The following ZNF260 variants were observed in gnomAD, a reference collection of about 807,000 sequenced individuals.
ZNF260 encodes zfp-260.
Under a neutral mutation model 29.3 loss-of-function variants are expected in ZNF260, and 21 were observed. The ratio of observed to expected loss-of-function variants is 0.72; its 90% CI spans 0.51 to 1.03. The LOEUF (loss-of-function observed/expected upper bound fraction) is 1.03, where lower values mean the gene tolerates loss of function less well. Among genes scored for constraint, ZNF260 ranks in the 50% least tolerant of loss-of-function variants. The pLI is 0.00. For synonymous variants in ZNF260, 156 were observed against 156.8 expected (o/e 0.99, Z 0.04); for missense variants, 465 against 487.8 (o/e 0.95, Z 0.44).
chr19:36,511,076 TCAA>T lies in ZNF260; in HGVS notation c.*2921_*2923del, dbSNP rs1034350514. The stretch of plus-strand genomic sequence containing the variant: ...TATTTGGGTATATTACCTCAGAAAA[TCAA>T]CAACTGTCATTTTCAATCTTATCTC... On this transcript the variant is annotated 3_prime_UTR_variant, in exon 3 of 3. Coordinates refer to ENST00000523638, the MANE Select transcript of ZNF260 (RefSeq NM_001166037.2). 4 of 152,116 alleles carry T rather than the reference TCAA, an allele frequency of 2.6e-5. No individual in the cohort carries two copies. The allele number at this position is 152,116 out of a possible 1,614,324, so 9.4% of individuals were successfully genotyped here.
In ZNF260 at chr19:36,514,238, C is replaced by T. The variant is rs1237156252; in HGVS notation, c.1001G>A (p.Cys334Tyr). 6.2e-7 allele frequency: 1 copy of T among 1,614,016 alleles called. No homozygotes were observed. The highest frequency in any genetic ancestry group is 2.2e-5 in the East Asian group (1 of 44,888). The change falls in exon 3 of 3, where the codon TGT becomes TAT. Residue 334 changes from cysteine to tyrosine, a missense_variant. Physicochemically the swap from Cys to Tyr is radical, Grantham distance 194 (BLOSUM62 -2). Coordinates refer to ENST00000523638, the MANE Select transcript of ZNF260 (RefSeq NM_001166037.2). Reference protein sequence around the residue: ...RIHTGDKPYECKVCGKAFCQS... With the variant: ...RIHTGDKPYEYKVCGKAFCQS... The stretch of plus-strand genomic sequence containing the variant: ...ACAGAAGGCTTTCCCACAGACCTTA[C>T]ACTCATAAGGCTTATCACCTGTATG...
chr19:36,513,335 T>C lies in ZNF260; in HGVS notation c.*665A>G. 6.5e-6 allele frequency: 1 copy of C among 154,576 alleles called. No individual in the cohort carries two copies. The highest frequency in any genetic ancestry group is 1.4e-5 in the Non-Finnish European group (1 of 69,634). 9.6% of individuals were successfully genotyped at this position (154,576 alleles called of 1,614,324 possible). ...CTAAGGTTTTAAAAACATCTTCTTA[T>C]AAAACTGTTATATTATTAAGTATTG... On this transcript the variant is annotated 3_prime_UTR_variant, in exon 3 of 3. Coordinates refer to ENST00000523638, the MANE Select transcript of ZNF260 (RefSeq NM_001166037.2).
chr19:36,521,764 A>G (rs1568554149), intron 2 of ZNF260, among the ~76,000 whole-genome samples: 1 of 144,688 alleles, frequency 6.9e-6, no homozygotes, highest in Non-Finnish European at 1.5e-5. Context: ...AAAAAATAAA[A>G]TAAGGCCGGG....
At position 36,526,325 on chromosome 19, in the gene ZNF260, G is replaced by A. The variant is rs144042172; in HGVS notation, c.-680-952C>T. Among the ~76,000 whole-genome samples the A allele has an allele frequency of 3.4e-3, 514 of 152,236 alleles. 13 individuals carry two copies. In the East Asian group the frequency reaches 0.057, roughly 17 times the overall value. On this transcript the variant is annotated intron_variant, in intron 1 of 2. Coordinates refer to ENST00000523638, the MANE Select transcript of ZNF260 (RefSeq NM_001166037.2). ...GGAGGCTGAGGCAGGCTGACCACCT[G>A]AGGTCAGGAGTTCGAGACCAGGCTG...
Position 36,514,150 on chromosome 19 carries a change from A to G in ZNF260, c.1089T>C (p.Asn363=), listed in dbSNP as rs745799752. The change falls in exon 3 of 3, where the codon AAT becomes AAC. Residue 363 remains asparagine, a synonymous_variant. Coordinates refer to ENST00000523638, the MANE Select transcript of ZNF260 (RefSeq NM_001166037.2). ...ACTGAGAAAAGGCTTTCCCACATTC[A>G]TTACAACCATAGGGTTTCTCACCTG... ...SHTGEKPYGC[N]ECGKAFSQFS... is the part of the protein sequence containing the mutation. The G allele has an allele frequency of 4.3e-6, 7 of 1,613,614 alleles. No individual in the cohort carries two copies. In the Admixed American group the frequency reaches 1.2e-4, roughly 27 times the overall value.
intron 2 of ZNF260, chr19:36,518,225 T>C (rs1237851995): frequency 1.3e-5 from 2 of 152,144 alleles, no homozygotes; most frequent in African/African-American, 2.4e-5. Context: ...ATATTACTGA[T>C]TGATGCACAG....
rs2034438314 is a variant in ZNF260 at position 36,510,758 on chromosome 19, A to C, written c.*3242T>G. On this transcript the variant is annotated 3_prime_UTR_variant, in exon 3 of 3. Transcript: ENST00000523638. ...CAAATAAGCAAACTGTGAGTAAACGAGGGCAGCTGAATAAATTTACAGTAT... is the reference window on the plus strand; with the variant it reads ...CAAATAAGCAAACTGTGAGTAAACGCGGGCAGCTGAATAAATTTACAGTAT... The C allele has an allele frequency of 6.6e-6, 1 of 152,206 alleles. No individual in the cohort carries two copies. Among genetic ancestry groups the C allele is most frequent in the African/African-American group, 2.4e-5 (1 of 41,450 alleles). 9.4% of individuals were successfully genotyped at this position (152,206 alleles called of 1,614,324 possible). A position where few individuals can be genotyped will look rare whatever the true frequency, so the allele number is the denominator to read the frequency against.
chr19:36,515,202 C>G lies in ZNF260; in HGVS notation c.37G>C (p.Asp13His), dbSNP rs757612101. The change falls in exon 3 of 3, where the codon GAT (aspartate) becomes CAT (histidine). Residue 13 changes from aspartate (D) to histidine (H), a missense_variant. By Grantham distance (81) the Asp-to-His change is moderately conservative. Coordinates refer to ENST00000523638, the MANE Select transcript of ZNF260 (RefSeq NM_001166037.2). ...GMLESLQHESDLLQHDQIHTG... is the reference protein window; with the variant it reads ...GMLESLQHESHLLQHDQIHTG... ...TGAATTTGATCATGCTGAAGGAGAT[C>G]TGATTCATGCTGAAGACTTTCCAAC... 4 of 1,595,456 alleles carry G rather than the reference C, an allele frequency of 2.5e-6. No homozygotes were observed. Among genetic ancestry groups the G allele is most frequent in the Non-Finnish European group, 3.4e-6 (4 of 1,169,372 alleles).
rs1286814941 is a variant in ZNF260, at chr19:36,512,029, C to A, written c.*1971G>T. On this transcript the variant is annotated 3_prime_UTR_variant, in exon 3 of 3. Transcript: ENST00000523638. ...ATAAATGTTTTAGTAAAAACTAATT[C>A]TCTCCATGTCTGTGCATATATTATT... 2 of 152,058 alleles carry A rather than the reference C, an allele frequency of 1.3e-5. No homozygotes were observed. Among genetic ancestry groups the A allele is most frequent in the Non-Finnish European group, 2.9e-5 (2 of 68,020 alleles). 9.4% of individuals were successfully genotyped at this position (152,058 alleles called of 1,614,324 possible).
At position 36,513,151 on chromosome 19, in the gene ZNF260, T is replaced by C. The variant is rs1037188456; in HGVS notation, c.*849A>G. ...AACTAAATTTTATCATAGGTATGTA[T>C]ATATAAGAAAAAAACATAGACATAG... On this transcript the variant is annotated 3_prime_UTR_variant, in exon 3 of 3. Transcript: ENST00000523638. 1.3e-5 allele frequency: 2 copies of C among 152,154 alleles called. No homozygotes were observed. Among genetic ancestry groups the C allele is most frequent in the African/African-American group, 2.4e-5 (1 of 41,448 alleles). 9.4% of individuals were successfully genotyped at this position (152,154 alleles called of 1,614,324 possible). A position where few individuals can be genotyped will look rare whatever the true frequency, so the allele number is the denominator to read the frequency against.
rs1203949329 is a variant in ZNF260 at position 36,511,820 on chromosome 19, T to G, written c.*2180A>C. The G allele has an allele frequency of 2.0e-5, 3 of 150,046 alleles. No individual in the cohort carries two copies. Among genetic ancestry groups the G allele is most frequent in the Non-Finnish European group, 3.0e-5 (2 of 66,764 alleles). 9.3% of individuals were successfully genotyped at this position (150,046 alleles called of 1,614,324 possible). ...AGGTAACAAGGGGGTTGGGATTGACTTGGGTGTGTCTGACATAATTGAGAA... is the reference window on the plus strand; with the variant it reads ...AGGTAACAAGGGGGTTGGGATTGACGTGGGTGTGTCTGACATAATTGAGAA... On this transcript the variant is annotated 3_prime_UTR_variant, in exon 3 of 3. Transcript: ENST00000523638.
rs749233923 is a variant in ZNF260, at chr19:36,514,295, C to T, written c.944G>A (p.Arg315Gln). 3.4e-5 allele frequency: 55 copies of T among 1,613,796 alleles called. No homozygotes were observed. Among genetic ancestry groups the T allele is most frequent in the Non-Finnish European group, 4.5e-5 (53 of 1,179,982 alleles). Residue 315 changes from arginine (R) to glutamine (Q), a missense_variant, in exon 3 of 3, where the codon CGA becomes CAA. Coordinates refer to ENST00000523638, the MANE Select transcript of ZNF260 (RefSeq NM_001166037.2). Reference protein sequence around the residue: ...ECNKCGKAFSRITSLIVHVRI... With the variant: ...ECNKCGKAFSQITSLIVHVRI... ...CACATGTACAATAAGTGATGTGATT[C>T]GAGAGAAGGCTTTTCCACATTTATT... is the stretch of plus-strand genomic sequence containing the variant.
chr19:36,511,716 C>A lies in ZNF260; in HGVS notation c.*2284G>T, dbSNP rs1302270899. On this transcript the variant is annotated 3_prime_UTR_variant, in exon 3 of 3. Transcript: ENST00000523638. Reference sequence around the variant, plus strand: ...TTATTGTGGAAAGAAATCAAGTAAACAAATTCTCAAAAAGATTTGCTTCAA... The same window carrying A: ...TTATTGTGGAAAGAAATCAAGTAAAAAAATTCTCAAAAAGATTTGCTTCAA... 6.6e-6 allele frequency: 1 copy of A among 151,314 alleles called. No homozygotes were observed. The allele number at this position is 151,314 out of a possible 1,614,324, so 9.4% of individuals were successfully genotyped here.
intron 2 of ZNF260, among the ~76,000 whole-genome samples, chr19:36,522,543 T>C (rs2034663545): frequency 6.6e-6 from 1 of 152,180 alleles, no homozygotes; most frequent in African/African-American, 2.4e-5. Context: ...CCATGTTTAT[T>C]TATTTTCTTG....
chr19:36,515,393 ATT>A lies in ZNF260; in HGVS notation c.-157_-156del. 2 of 712,708 alleles carry A rather than the reference ATT, an allele frequency of 2.8e-6. No homozygotes were observed. The highest frequency in any genetic ancestry group is 4.4e-6 in the Non-Finnish European group (2 of 450,536). The allele number at this position is 712,708 out of a possible 1,614,324, so 44.1% of individuals were successfully genotyped here. On this transcript the variant is annotated 5_prime_UTR_variant, in exon 3 of 3. An upstream start codon of the reference 5' UTR is lost. Transcript: ENST00000523638. ...ATTTATGATGGAAGACTTTTCTCAC[ATT>A]GATTACCCTGAGATGAGATGATTAC... is the stretch of plus-strand genomic sequence containing the variant.
At chr19:36,526,091 C>CG (rs2034728430) in intron 1 of ZNF260, among the ~76,000 whole-genome samples, 1 of 152,054 alleles carries the variant, frequency 6.6e-6, no homozygotes. Context: ...GGTCAGAGCT[C>CG]TAAAAAATTT....
chr19:36,514,611 G>A lies in ZNF260; in HGVS notation c.628C>T (p.His210Tyr). 1.2e-6 allele frequency: 2 copies of A among 1,614,058 alleles called. No individual in the cohort carries two copies. Among genetic ancestry groups the A allele is most frequent in the Non-Finnish European group, 8.5e-7 (1 of 1,179,988 alleles). ...TTCTCTCCAGTATGGATTCTCTGAT[G>A]TATAATGAGGTTTTCCTTCTGGCTA... ...AFSQKENLIIHQRIHTGEKPY... is the reference protein window; with the variant it reads ...AFSQKENLIIYQRIHTGEKPY... The change falls in exon 3 of 3, where the codon CAT (histidine) becomes TAT (tyrosine). Residue 210 changes from histidine to tyrosine, a missense_variant. Coordinates refer to ENST00000523638, the MANE Select transcript of ZNF260 (RefSeq NM_001166037.2).
At chr19:36,517,454 A>C (rs1290240545) in intron 2 of ZNF260, 1 of 152,236 alleles carries the variant, frequency 6.6e-6, no homozygotes, top group Non-Finnish European at 1.5e-5. Context: ...CTGTAAATTA[A>C]CAGCAGAACT....
intron 2 of ZNF260, among the ~76,000 whole-genome samples, chr19:36,518,972 A>C (rs551245109): frequency 6.6e-6 from 1 of 152,128 alleles, no homozygotes; most frequent in Non-Finnish European, 1.5e-5. Context: ...TGAGCCCAGG[A>C]GAGTGAGCTA....
Sources: allele counts gnomAD v4.1 joint callset (sites outside exome capture counted in the v4.1 genomes callset), GRCh38; gene constraint gnomAD v4.1.1; transcripts MANE v1.5; gene names NCBI Gene and HGNC (gene_info 2026-07-23, HGNC 2026-07-21).